The following AUTS2 variants were observed in gnomAD, a reference collection of about 807,000 sequenced individuals.
AUTS2 encodes the protein activator of transcription and developmental regulator AUTS2.
In AUTS2, 17 loss-of-function variants were observed where a neutral mutation model predicts 112.4. The ratio of observed to expected loss-of-function variants is 0.15; its 90% CI spans 0.10 to 0.23. The LOEUF is 0.23. AUTS2 is among the 10% of genes least tolerant of loss of function. The probability of loss-of-function intolerance (pLI) is 1.00; values close to 1 mark genes in which losing one functional copy is unlikely to be tolerated. For missense variants in AUTS2, 1,510 were observed against 1,701.6 expected, an observed-to-expected ratio of 0.89 and a Z score of 1.98; for synonymous variants, 751 against 702.7, an observed-to-expected ratio of 1.07 and a Z score of -1.09.
At chr7:70,223,163 A>G (rs1562798652) in intron 4 of AUTS2, among the ~76,000 whole-genome samples, 1 of 152,210 alleles carries the variant, frequency 6.6e-6, no homozygotes, top group Non-Finnish European at 1.5e-5. Flanking sequence ...CTGTGATTAC[A>G]GGTGTGAGCC....
At chr7:69,806,634 A>G (rs1401858523) in intron 1 of AUTS2, among the ~76,000 whole-genome samples, 1 of 152,098 alleles carries the variant, frequency 6.6e-6, no homozygotes, top group African/African-American at 2.4e-5. Context: ...ACGCCTGGCT[A>G]ATTTTTTTGA....
intron 4 of AUTS2, among the ~76,000 whole-genome samples, chr7:70,141,523 C>A (rs912177086): frequency 1.3e-5 from 2 of 152,152 alleles, no homozygotes; most frequent in Admixed American, 1.3e-4. Flanking sequence ...AACATCTGGG[C>A]AAACGAAAGT....
intron 4 of AUTS2, among the ~76,000 whole-genome samples, chr7:70,233,319 A>T (rs1812154861): frequency 6.6e-6 from 1 of 151,940 alleles, no homozygotes; most frequent in South Asian, 2.1e-4. Context: ...CCTACACTTC[A>T]CATAGTACTT....
At chr7:69,907,483 A>G (rs1212091279) in intron 2 of AUTS2, among the ~76,000 whole-genome samples, 2 of 152,220 alleles carry the variant, frequency 1.3e-5, no homozygotes, top group African/African-American at 4.8e-5. Flanking sequence ...ATTTTTATGT[A>G]ACCAACACAC....
At chr7:69,659,019 C>A (rs1172009700) in intron 1 of AUTS2, among the ~76,000 whole-genome samples, 1 of 152,162 alleles carries the variant, frequency 6.6e-6, no homozygotes, top group African/African-American at 2.4e-5. Flanking sequence ...TTTTAAGATA[C>A]TTAGGTAAAA....
intron 1 of AUTS2, among the ~76,000 whole-genome samples, chr7:69,847,616 G>A (rs187075215): frequency 2.6e-5 from 4 of 152,220 alleles, no homozygotes; most frequent in East Asian, 1.9e-4. Flanking sequence ...CAAAAGGCCG[G>A]TGCCCCTGGA....
chr7:70,033,124 C>T (rs1800854615), intron 2 of AUTS2, among the ~76,000 whole-genome samples: 1 of 151,936 alleles, frequency 6.6e-6, no homozygotes, highest in Admixed American at 6.6e-5. Flanking sequence ...GTAATAGTTG[C>T]ACAACTATCT....
chr7:70,077,095 G>T (rs1367448774), intron 2 of AUTS2, among the ~76,000 whole-genome samples: 1 of 152,164 alleles, frequency 6.6e-6, no homozygotes, highest in African/African-American at 2.4e-5. Context: ...GAAGATACAG[G>T]TAGATTCAAT....
intron 2 of AUTS2, among the ~76,000 whole-genome samples, chr7:69,970,649 G>T (rs965400788): frequency 8.3e-4 from 127 of 152,204 alleles, no homozygotes; most frequent in African/African-American, 2.9e-3. Flanking sequence ...ATCTTAAAAG[G>T]TCAGTCTGAG....
At chr7:70,322,121 CA>C (rs1790284003) in intron 4 of AUTS2, among the ~76,000 whole-genome samples, 2 of 151,996 alleles carry the variant, frequency 1.3e-5, no homozygotes, top group South Asian at 4.1e-4. Context: ...GGAAGACCAG[CA>C]AAACTGCCCT....
At chr7:70,683,713 G>A (rs1021311153) in intron 5 of AUTS2, among the ~76,000 whole-genome samples, 4 of 152,242 alleles carry the variant, frequency 2.6e-5, no homozygotes, top group Non-Finnish European at 4.4e-5. Flanking sequence ...AGGAGCTGGC[G>A]GGTCTTTGTA....
chr7:69,860,125 C>G lies in AUTS2; in HGVS notation c.310-39161C>G, dbSNP rs1437064413. On this transcript the variant is annotated intron_variant, in intron 1 of 18. Transcript: ENST00000342771. ...AGGACAAAGAGCTCTGATGCTGATTCAGCTGCAATTTTGAGGACCCTTGAC... is the reference window on the plus strand; with the variant it reads ...AGGACAAAGAGCTCTGATGCTGATTGAGCTGCAATTTTGAGGACCCTTGAC... Among the ~76,000 whole-genome samples the G allele has an allele frequency of 2.0e-5, 3 of 151,876 alleles. No homozygotes were observed. The East Asian group carries it at 5.8e-4, about 29-fold the overall frequency.
chr7:70,303,426 G>GCA (rs1445395665), intron 4 of AUTS2, among the ~76,000 whole-genome samples: 4 of 116,930 alleles, frequency 3.4e-5, no homozygotes, highest in East Asian at 5.8e-4. Context: ...ACACACACGC[G>GCA]CGCGCGCGCA....
At chr7:69,764,458 G>A (rs1403685190) in intron 1 of AUTS2, among the ~76,000 whole-genome samples, 1 of 151,876 alleles carries the variant, frequency 6.6e-6, no homozygotes, top group Non-Finnish European at 1.5e-5. Context: ...TGAATGGAGA[G>A]ATGTTGAACT....
At position 69,744,116 on chromosome 7, in the gene AUTS2, C is replaced by T. The variant is rs534027284; in HGVS notation, c.309+144154C>T. On this transcript the variant is annotated intron_variant, in intron 1 of 18. Coordinates refer to ENST00000342771, the MANE Select transcript of AUTS2 (RefSeq NM_015570.4). Reference sequence around the variant, plus strand: ...TGGCCAGCGTAATTATTCTGAGGTTCATTCATGTTGGCATGTATCAGGAGG... The same window carrying T: ...TGGCCAGCGTAATTATTCTGAGGTTTATTCATGTTGGCATGTATCAGGAGG... Among the ~76,000 whole-genome samples the T allele has an allele frequency of 4.6e-5, 7 of 152,188 alleles. No homozygotes were observed. In the South Asian group the frequency reaches 1.5e-3, roughly 32 times the overall value.
intron 4 of AUTS2, among the ~76,000 whole-genome samples, chr7:70,219,600 C>A (rs576853422): frequency 2.1e-5 from 3 of 145,972 alleles, no homozygotes; most frequent in Non-Finnish European, 4.5e-5. Flanking sequence ...GAGAGAGAGT[C>A]TCGCTCTGTT....
intron 1 of AUTS2, among the ~76,000 whole-genome samples, chr7:69,667,459 G>A (rs556810990): frequency 4.3e-4 from 65 of 150,024 alleles, no homozygotes; most frequent in African/African-American, 1.4e-3. Context: ...GGGTTCAAAC[G>A]ATTCTCCTGC....
chr7:70,160,854 T>C lies in AUTS2; in HGVS notation c.660+26283T>C, dbSNP rs1337056952. Among the ~76,000 whole-genome samples, 2 of 152,210 alleles carry C rather than the reference T, an allele frequency of 1.3e-5. 1 individual carries two copies. On this transcript the variant is annotated intron_variant, in intron 4 of 18. Coordinates refer to ENST00000342771, the MANE Select transcript of AUTS2 (RefSeq NM_015570.4). Reference sequence around the variant, plus strand: ...TTGTGATTTTTTAGCAGATTCTTCTTTGATGGAGCTGTGATTTGCAATAAT... The same window carrying C: ...TTGTGATTTTTTAGCAGATTCTTCTCTGATGGAGCTGTGATTTGCAATAAT...
intron 4 of AUTS2, among the ~76,000 whole-genome samples, chr7:70,224,331 G>GTACAATACAATACAATACAATACAA (rs61077173): frequency 7.2e-6 from 1 of 138,692 alleles, no homozygotes; most frequent in Non-Finnish European, 1.6e-5. Flanking sequence ...ATACAGTACA[G>GTACAATACAATACAATACAATACAA]TACAATACAA....
Sources: gnomAD v4.1 joint callset for allele counts (sites outside exome capture counted in the v4.1 genomes callset) on GRCh38, gnomAD v4.1.1 for gene constraint, MANE v1.5 for transcripts, NCBI Gene and HGNC (gene_info 2026-07-23, HGNC 2026-07-21) for gene names.